The following TRPM3 variants were observed in gnomAD, a reference collection of about 807,000 sequenced individuals.
TRPM3 encodes long transient receptor potential channel 3.
A neutral mutation model predicts 181.2 loss-of-function variants in TRPM3; 77 were observed. The observed-to-expected ratio is 0.42, with a 90% CI of 0.35 to 0.51. The LOEUF is 0.51. Among genes scored for constraint, TRPM3 ranks in the 20% least tolerant of loss-of-function variants. The pLI is 0.01. For missense variants in TRPM3, 1,759 were observed against 2,196.7 expected (o/e 0.80, Z 3.98); for synonymous variants, 745 against 796.4 (o/e 0.94, Z 1.09).
Position 70,625,468 on chromosome 9 carries a change from G to A in TRPM3, c.1668+14C>T, listed in dbSNP as rs755547187. 2 of 1,608,248 alleles carry A rather than the reference G, an allele frequency of 1.2e-6. No individual in the cohort carries two copies. Among genetic ancestry groups the A allele is most frequent in the Non-Finnish European group, 1.7e-6 (2 of 1,177,780 alleles). ...AACATATGAATGTATTATTATGCTG[G>A]TTAATTAATTCACCTTAAAATAGAT... On this transcript the variant is annotated intron_variant, in intron 13 of 25. Transcript: ENST00000677713. The surrounding 1 kb of genome is among the most constrained non-coding windows in gnomAD (Gnocchi z 4.8).
chr9:71,190,214 A>G (rs1294357725), intron 1 of TRPM3, among the ~76,000 whole-genome samples: 1 of 151,898 alleles, frequency 6.6e-6, no homozygotes, highest in Non-Finnish European at 1.5e-5. Context: ...CAAGGCAGCA[A>G]TGATACTGTT....
intron 1 of TRPM3, among the ~76,000 whole-genome samples, chr9:70,946,651 A>G (rs755660313): frequency 5.3e-5 from 8 of 152,212 alleles, no homozygotes; most frequent in Admixed American, 2.0e-4. Context: ...AAACATATTC[A>G]TGTAACAAGC....
intron 1 of TRPM3, among the ~76,000 whole-genome samples, chr9:71,008,548 A>G: frequency 6.6e-6 from 1 of 152,184 alleles, no homozygotes; most frequent in East Asian, 1.9e-4. Context: ...CAACACATAA[A>G]AAGATCATTC....
intron 1 of TRPM3, among the ~76,000 whole-genome samples, chr9:71,300,919 T>C (rs2086710383): frequency 6.6e-6 from 1 of 152,142 alleles, no homozygotes; most frequent in South Asian, 2.1e-4. Context: ...TAAAATGCCT[T>C]AAGTAGCACC....
At chr9:70,776,777 A>G (rs1236955852) in intron 7 of TRPM3, among the ~76,000 whole-genome samples, 2 of 152,186 alleles carry the variant, frequency 1.3e-5, no homozygotes, top group African/African-American at 2.4e-5. Flanking sequence ...GCTTGTGGTA[A>G]CAACGCAGTG....
In TRPM3 at chr9:71,267,914, T is replaced by C. The variant is rs550134260; in HGVS notation, c.183+178739A>G. On this transcript the variant is annotated intron_variant, in intron 1 of 24. Coordinates refer to the TRPM3 transcript ENST00000357533. ...TAGTTCCTAGGGTGTACAAAAAAGA[T>C]AGGGATTACTTCCCACTTCAATGTA... Among the ~76,000 whole-genome samples the C allele has an allele frequency of 5.9e-5, 9 of 152,056 alleles. No individual in the cohort carries two copies. The South Asian group carries it at 8.3e-4, about 14-fold the overall frequency.
At chr9:70,787,763 C>CTTTTTTTTTTTTTTTTTTTTTG (rs2084071076) in intron 6 of TRPM3, among the ~76,000 whole-genome samples, 1 of 68,558 alleles carries the variant, frequency 1.5e-5, no homozygotes, top group Non-Finnish European at 2.6e-5. Flanking sequence ...TTTTTGGATT[C>CTTTTTTTTTTTTTTTTTTTTTG]TTTTTTTTTT....
intron 1 of TRPM3, among the ~76,000 whole-genome samples, chr9:71,089,242 T>C (rs994437149): frequency 6.7e-6 from 1 of 149,796 alleles, no homozygotes. Context: ...TATAGTGTTA[T>C]ATAGTTTGCT....
intron 1 of TRPM3, among the ~76,000 whole-genome samples, chr9:71,198,588 A>G (rs2078554386): frequency 6.6e-6 from 1 of 151,568 alleles, no homozygotes. Context: ...GGTCCTTCAC[A>G]TCCCTTGTAA....
intron 1 of TRPM3, among the ~76,000 whole-genome samples, chr9:70,865,975 G>A (rs1465303050): frequency 6.6e-6 from 1 of 152,038 alleles, no homozygotes; most frequent in Non-Finnish European, 1.5e-5. Context: ...AGCTAAACAT[G>A]AAAAATTCCC....
At chr9:71,205,609 G>A (rs1163259676) in intron 1 of TRPM3, among the ~76,000 whole-genome samples, 1 of 152,170 alleles carries the variant, frequency 6.6e-6, no homozygotes, top group African/African-American at 2.4e-5. Flanking sequence ...TGAGGACACA[G>A]ACAAAATAAA....
At chr9:70,766,492 T>C (rs2079150935) in intron 7 of TRPM3, among the ~76,000 whole-genome samples, 1 of 151,474 alleles carries the variant, frequency 6.6e-6, no homozygotes, top group African/African-American at 2.4e-5. Flanking sequence ...TATGAGAAAA[T>C]TTTAGCTATA....
chr9:70,593,956 A>G (rs907355143), intron 21 of TRPM3, among the ~76,000 whole-genome samples: 2 of 147,558 alleles, frequency 1.4e-5, no homozygotes, highest in African/African-American at 2.5e-5. Context: ...TAATGTGTAT[A>G]TAATATATAT....
intron 1 of TRPM3, among the ~76,000 whole-genome samples, chr9:71,108,379 G>A (rs983260440): frequency 6.6e-6 from 1 of 152,112 alleles, no homozygotes; most frequent in Non-Finnish European, 1.5e-5. Context: ...GAAGCACTGT[G>A]CCTGCATCCT....
At chr9:71,043,377 A>G (rs2059050605) in intron 1 of TRPM3, among the ~76,000 whole-genome samples, 1 of 152,194 alleles carries the variant, frequency 6.6e-6, no homozygotes, top group African/African-American at 2.4e-5. Flanking sequence ...TATATTTAAG[A>G]AGTCTCAGCT....
At chr9:70,939,268 A>T (rs571631935) in intron 1 of TRPM3, among the ~76,000 whole-genome samples, 78 of 152,340 alleles carry the variant, frequency 5.1e-4, no homozygotes, top group African/African-American at 1.8e-3. Context: ...TATTGTCTTT[A>T]TTTATGACAG....
chr9:71,231,395 A>G (rs1249761578), intron 1 of TRPM3, among the ~76,000 whole-genome samples: 1 of 152,216 alleles, frequency 6.6e-6, no homozygotes, highest in African/African-American at 2.4e-5. Context: ...ATATGGAACC[A>G]CACCAAGAAT....
At chr9:71,303,705 G>A (rs761078469) in intron 1 of TRPM3, among the ~76,000 whole-genome samples, 1 of 152,154 alleles carries the variant, frequency 6.6e-6, no homozygotes, top group Non-Finnish European at 1.5e-5. Context: ...CCTAGCTTTT[G>A]TCACTAGCTT....
chr9:71,238,339 A>T (rs913923765), intron 1 of TRPM3, among the ~76,000 whole-genome samples: 1 of 151,970 alleles, frequency 6.6e-6, no homozygotes, highest in African/African-American at 2.4e-5. Context: ...CTCTCTGCCT[A>T]CTCCAAGTGA....
Sources: gnomAD v4.1 joint callset for allele counts (sites outside exome capture counted in the v4.1 genomes callset) on GRCh38, gnomAD v4.1.1 for gene constraint, Gnocchi (gnomAD v3.1) non-coding constraint, MANE v1.5 for transcripts, NCBI Gene and HGNC (gene_info 2026-07-23, HGNC 2026-07-21) for gene names.